Variants in SLC9A3 observed in about 807,000 individuals in gnomAD.
SLC9A3 encodes the protein solute carrier family 9 member A3, also known as sodium/hydrogen exchanger 3.
In SLC9A3, 37 loss-of-function variants were observed where a neutral mutation model predicts 86.8. That is an observed-to-expected ratio of 0.43 (90% CI 0.33 to 0.56). The LOEUF (loss-of-function observed/expected upper bound fraction) is 0.56, where lower values mean the gene tolerates loss of function less well. SLC9A3 is among the 20% of genes least tolerant of loss of function. SLC9A3 has a pLI of 0.06. For synonymous variants in SLC9A3, 581 were observed against 528.3 expected (o/e 1.10, Z -1.37); for missense variants, 1,011 against 1,171.9 (o/e 0.86, Z 2.00).
chr5:482,139 G>C lies in SLC9A3; in HGVS notation c.1375C>G (p.Leu459Val). The change falls in exon 8 of 17, where the codon CTG becomes GTG. Residue 459 changes from leucine (L) to valine (V), a missense_variant. Leu to Val is a conservative substitution (Grantham distance 32, BLOSUM62 1). Coordinates refer to ENST00000264938, the MANE Select transcript of SLC9A3 (RefSeq NM_004174.4). ...CTCTTCACCTTCAGCCACTGCACCA[G>C]AGGCTTGATGGTCAGGCCCTGGAGG... ...VIFQGLTIKP[L>V]VQWLKVKRSE... is the part of the protein sequence containing the mutation. 1.2e-6 allele frequency: 2 copies of C among 1,610,066 alleles called. No homozygotes were observed. The highest frequency in any genetic ancestry group is 1.7e-6 in the Non-Finnish European group (2 of 1,178,932).
At position 492,003 on chromosome 5, in the gene SLC9A3, C is replaced by G. The variant is rs759214318; in HGVS notation, c.280G>C (p.Val94Leu). The change falls in exon 2 of 17, where the codon GTG becomes CTG. Residue 94 changes from valine (V) to leucine (L), a missense_variant. Around this residue, in one of 3 missense-constraint regions of SLC9A3, gnomAD observed 565 missense variants for 790.0 expected, o/e 0.72. Transcript: ENST00000264938. ...GCCGCCCAGACGATGCCGCCCAGCA[C>G]CAGGCCCAGCACGATGAGCAGGGCG... ...ESALLIVLGL[V>L]LGGIVWAADH... 1.3e-6 allele frequency: 2 copies of G among 1,596,500 alleles called. No individual in the cohort carries two copies. Among genetic ancestry groups the G allele is most frequent in the Non-Finnish European group, 1.7e-6 (2 of 1,171,960 alleles).
chr5:491,661 C>T lies in SLC9A3; in HGVS notation c.514+108G>A. The T allele has an allele frequency of 9.6e-7, 1 of 1,041,548 alleles. No individual in the cohort carries two copies. Among genetic ancestry groups the T allele is most frequent in the Non-Finnish European group, 1.4e-6 (1 of 738,568 alleles). 64.5% of individuals were successfully genotyped at this position (1,041,548 alleles called of 1,614,324 possible). A position where few individuals can be genotyped will look rare whatever the true frequency, so the allele number is the denominator to read the frequency against. On this transcript the variant is annotated intron_variant, in intron 2 of 16. Transcript: ENST00000264938. This position sits in a 1 kb window ranked among gnomAD's most constrained non-coding sequence, Gnocchi z 9.2. ...AGCCACGTTTCTCACCTGACACTTA[C>T]CGCCTGGAGGCCAGGGTGCGGCACC...
chr5:482,600 T>C lies in SLC9A3; in HGVS notation c.1304A>G (p.Asn435Ser), dbSNP rs2126618038. The C allele has an allele frequency of 6.2e-7, 1 of 1,612,504 alleles. No homozygotes were observed. Among genetic ancestry groups the C allele is most frequent in the East Asian group, 2.2e-5 (1 of 44,830 alleles). Residue 435 changes from asparagine (N) to serine (S), a missense_variant, in exon 7 of 17, where the codon AAC (asparagine) becomes AGC (serine). Transcript: ENST00000264938. ...LLDGDKVKEK[N>S]LFVSTTIIVV... ...GATGATGGTGGTGCTGACGAACAGG[T>C]TCTTCTCCTTGACCTTGTCTCCATC...
At chr5:503,406 T>C (rs1240488628) in intron 1 of SLC9A3, among the ~76,000 whole-genome samples, 1 of 152,100 alleles carries the variant, frequency 6.6e-6, no homozygotes, top group East Asian at 1.9e-4. Flanking sequence ...AGCCTGGTGG[T>C]TTGTGCCCAT....
At position 472,729 on chromosome 5, in the gene SLC9A3, C is replaced by A; in HGVS notation, c.*650G>T. The A allele has an allele frequency of 1.7e-6, 1 of 572,514 alleles. No homozygotes were observed. The highest frequency in any genetic ancestry group is 1.9e-5 in the African/African-American group (1 of 53,204). The allele number at this position is 572,514 out of a possible 1,614,324, so 35.5% of individuals were successfully genotyped here. The stretch of plus-strand genomic sequence containing the variant: ...CCTGGAAACGGCGCTCGGCCCAGGC[C>A]GCTTGCGGGCGCTGGGCCTGCAGCC... On this transcript the variant is annotated 3_prime_UTR_variant, in exon 17 of 17. Coordinates refer to ENST00000264938, the MANE Select transcript of SLC9A3 (RefSeq NM_004174.4).
intron 1 of SLC9A3, among the ~76,000 whole-genome samples, chr5:518,673 G>A (rs1052562401): frequency 4.6e-5 from 7 of 152,186 alleles, no homozygotes; most frequent in African/African-American, 1.7e-4. Context: ...GGAGAAGCCG[G>A]CAGTGGGGGT....
At position 496,154 on chromosome 5, in the gene SLC9A3, G is replaced by A. The variant is rs934281979; in HGVS notation, c.212-4083C>T. 9.9e-5 allele frequency among the ~76,000 whole-genome samples: 15 copies of A among 152,258 alleles called. No individual in the cohort carries two copies. Among genetic ancestry groups the A allele is most frequent in the Non-Finnish European group, 1.6e-4 (11 of 68,044 alleles). Reference sequence around the variant, plus strand: ...ATACGCACAAACGCCGCATAGGTGGGAGGGCGGCGGTTTGGAACATTCTGC... The same window carrying A: ...ATACGCACAAACGCCGCATAGGTGGAAGGGCGGCGGTTTGGAACATTCTGC... On this transcript the variant is annotated intron_variant, in intron 1 of 16. Transcript: ENST00000264938. The surrounding 1 kb of genome is among the most constrained non-coding windows in gnomAD (Gnocchi z 4.7).
intron 1 of SLC9A3, among the ~76,000 whole-genome samples, chr5:493,617 G>GCTC (rs1739892922): frequency 6.6e-6 from 1 of 152,226 alleles, no homozygotes. Flanking sequence ...GCAGGCACAA[G>GCTC]CTCCGCACCT....
intron 3 of SLC9A3, among the ~76,000 whole-genome samples, chr5:486,536 A>G (rs1739480678): frequency 6.6e-6 from 1 of 152,002 alleles, no homozygotes; most frequent in African/African-American, 2.4e-5. Flanking sequence ...CCGGAACACC[A>G]TCTCCTCCAG....
At position 497,725 on chromosome 5, in the gene SLC9A3, C is replaced by T. The variant is rs975632687; in HGVS notation, c.212-5654G>A. 9.1e-6 allele frequency among the ~76,000 whole-genome samples: 1 copy of T among 109,634 alleles called. No homozygotes were observed. Among genetic ancestry groups the T allele is most frequent in the Non-Finnish European group, 1.9e-5 (1 of 52,308 alleles). 71.9% of individuals were successfully genotyped at this position (109,634 alleles called of 152,430 possible). On this transcript the variant is annotated intron_variant, in intron 1 of 16. Transcript: ENST00000264938. This position sits in a 1 kb window ranked among gnomAD's most constrained non-coding sequence, Gnocchi z 5.4. ...CATCTGCCCCTGTCCTGGGTGGGGTCGCCCGGCCGCATCCCCAGCCTCTGC... is the reference window on the plus strand; with the variant it reads ...CATCTGCCCCTGTCCTGGGTGGGGTTGCCCGGCCGCATCCCCAGCCTCTGC...
intron 6 of SLC9A3, 133 bp from the exon 7 acceptor site, chr5:482,883 C>G: frequency 1.4e-6 from 1 of 693,428 alleles, no homozygotes; most frequent in South Asian, 1.9e-5. Context: ...TACGGCGTCC[C>G]CACGCCACGT....
At chr5:476,157 C>T (rs768798151) in intron 13 of SLC9A3, 45 bp downstream of exon 13, 17 of 1,612,464 alleles carry the variant, frequency 1.1e-5, no homozygotes, top group Non-Finnish European at 1.3e-5. Flanking sequence ...ACTGCCCCCG[C>T]TCCAGGCCCC....
chr5:517,540 A>C (rs1733766657), intron 1 of SLC9A3, among the ~76,000 whole-genome samples: 1 of 150,624 alleles, frequency 6.6e-6, no homozygotes, highest in African/African-American at 2.5e-5. Context: ...CCATCAATCC[A>C]CTCATCCATC....
intron 3 of SLC9A3, 43 bp downstream of exon 3, chr5:488,273 T>G: frequency 6.2e-7 from 1 of 1,604,592 alleles, no homozygotes; most frequent in Non-Finnish European, 8.5e-7. Flanking sequence ...GGCCCAGGCC[T>G]CCCACGGCTC....
At chr5:477,236 A>C (rs1579765886) in intron 11 of SLC9A3, 96 bp downstream of exon 11, 1 of 811,062 alleles carries the variant, frequency 1.2e-6, no homozygotes. Flanking sequence ...CTTCCATGCC[A>C]CCCCCAGGCC....
chr5:502,891 C>T (rs1740363133), intron 1 of SLC9A3, among the ~76,000 whole-genome samples: 1 of 125,300 alleles, frequency 8.0e-6, no homozygotes, highest in Non-Finnish European at 2.0e-5. Flanking sequence ...CACTCACTAC[C>T]AGTGAGGCCG....
chr5:485,197 A>C lies in SLC9A3; in HGVS notation c.710T>G (p.Leu237Arg), dbSNP rs563100186. Residue 237 changes from leucine (L) to arginine (R), a missense_variant, in exon 4 of 17, where the codon CTG (leucine) becomes CGG (arginine). Physicochemically the swap from Leu to Arg is moderately radical, Grantham distance 102. Coordinates refer to ENST00000264938, the MANE Select transcript of SLC9A3 (RefSeq NM_004174.4). The stretch of plus-strand genomic sequence containing the variant: ...CACGCCAGTCACGTTGTCACCTCCC[A>C]GCGCCACGAAAGATTCAAACACATT... ...LYNVFESFVA[L>R]GGDNVTGVDC... is the part of the protein sequence containing the mutation. 6.2e-7 allele frequency: 1 copy of C among 1,613,952 alleles called. No individual in the cohort carries two copies. Among genetic ancestry groups the C allele is most frequent in the South Asian group, 1.1e-5 (1 of 91,084 alleles).
At chr5:475,744 A>T in intron 14 of SLC9A3, 73 bp from the exon 15 acceptor site, 1 of 877,176 alleles carries the variant, frequency 1.1e-6, no homozygotes, top group Admixed American at 2.0e-5. Flanking sequence ...AGCAGTGTCC[A>T]TCAGCTCTGT....
In SLC9A3 at chr5:491,811, T is replaced by C; in HGVS notation, c.472A>G (p.Thr158Ala). ...VVGTVWNAAT[T>A]GLSLYGVFLS... ...AAGACGCCGTAGAGGGACAGCCCGGTGGTGGCCGCGTTCCACACGGTACCC... is the reference window on the plus strand; with the variant it reads ...AAGACGCCGTAGAGGGACAGCCCGGCGGTGGCCGCGTTCCACACGGTACCC... The change falls in exon 2 of 17, where the codon ACC becomes GCC. Residue 158 changes from threonine (T) to alanine (A), a missense_variant. Thr to Ala is a moderately conservative substitution (Grantham distance 58). This residue lies in a region of SLC9A3 where 565 missense variants were observed against 790.0 expected (regional missense o/e 0.72). Transcript: ENST00000264938. The surrounding 1 kb of genome is among the most constrained non-coding windows in gnomAD (Gnocchi z 9.2). 1.9e-6 allele frequency: 3 copies of C among 1,586,682 alleles called. No homozygotes were observed. The highest frequency in any genetic ancestry group is 1.1e-5 in the South Asian group (1 of 87,484).
Sources: gnomAD v4.1 joint callset for allele counts (sites outside exome capture counted in the v4.1 genomes callset) on GRCh38, gnomAD v4.1.1 for gene constraint, gnomAD v4.1.1 regional missense constraint, Gnocchi (gnomAD v3.1) non-coding constraint, MANE v1.5 for transcripts, NCBI Gene and HGNC (gene_info 2026-07-23, HGNC 2026-07-21) for gene names.